NLGN1: variants seen among roughly 807,000 people sequenced by gnomAD.
NLGN1 encodes the protein neuroligin-1.
NLGN1 carries 12 observed loss-of-function variants against 65.5 expected under a neutral mutation model. The observed-to-expected ratio is 0.18, with a 90% CI of 0.12 to 0.30. The LOEUF is 0.30. NLGN1 is among the 10% of genes least tolerant of loss of function. The probability of loss-of-function intolerance (pLI) is 1.00; values close to 1 mark genes in which losing one functional copy is unlikely to be tolerated. For missense variants in NLGN1, 750 were observed against 1,007.1 expected, an observed-to-expected ratio of 0.74 and a Z score of 3.46; for synonymous variants, 350 against 359.5, an observed-to-expected ratio of 0.97 and a Z score of 0.30.
intron 3 of NLGN1, among the ~76,000 whole-genome samples, chr3:173,698,477 C>T (rs991845561): frequency 6.6e-6 from 1 of 152,084 alleles, no homozygotes; most frequent in Non-Finnish European, 1.5e-5. Flanking sequence ...GTGGAACAAC[C>T]GTATTCCCTT....
At chr3:173,866,215 G>A (rs1351168040) in intron 4 of NLGN1, among the ~76,000 whole-genome samples, 5 of 152,156 alleles carry the variant, frequency 3.3e-5, no homozygotes, top group Admixed American at 1.3e-4. Context: ...CTGATGTTAG[G>A]AGCAGGCATT....
chr3:174,025,044 A>G (rs997583235), intron 4 of NLGN1, among the ~76,000 whole-genome samples: 1 of 152,186 alleles, frequency 6.6e-6, no homozygotes, highest in Non-Finnish European at 1.5e-5. Context: ...AATAACAATA[A>G]CTGTCGTTTA....
At position 173,888,623 on chromosome 3, in the gene NLGN1, A is replaced by G. The variant is rs556448000; in HGVS notation, c.646+80791A>G. 4.0e-4 allele frequency among the ~76,000 whole-genome samples: 61 copies of G among 152,168 alleles called. 1 individual carries two copies. In the South Asian group the frequency reaches 0.012, roughly 29 times the overall value. On this transcript the variant is annotated intron_variant, in intron 4 of 6. Transcript: ENST00000457714. The stretch of plus-strand genomic sequence containing the variant: ...TTTTTTGTGTTATGTTCATATTAAT[A>G]CATGCTAATTTTTTGAATATATAAT...
chr3:173,578,811 G>A lies in NLGN1; in HGVS notation c.-320-25468G>A, dbSNP rs1437347434. On this transcript the variant is annotated intron_variant, in intron 2 of 6. Transcript: ENST00000457714. ...GCTCTGAGGTTATTAGAGGGTCAGC[G>A]TAAATACTGCCTCACAAATGTACTT... 3.9e-5 allele frequency among the ~76,000 whole-genome samples: 6 copies of A among 152,122 alleles called. No homozygotes were observed. The South Asian group carries it at 1.2e-3, about 32-fold the overall frequency.
chr3:173,782,348 A>G (rs1243546153), intron 3 of NLGN1, among the ~76,000 whole-genome samples: 1 of 152,204 alleles, frequency 6.6e-6, no homozygotes, highest in East Asian at 1.9e-4. Flanking sequence ...GGCGCGGGTA[A>G]TGTAAATATA....
chr3:174,212,273 G>T (rs1040486869), intron 4 of NLGN1, among the ~76,000 whole-genome samples: 1 of 152,172 alleles, frequency 6.6e-6, no homozygotes, highest in African/African-American at 2.4e-5. Context: ...TGAGTGCGGG[G>T]CCCTCCAAGC....
chr3:173,916,554 G>A (rs1391776299), intron 4 of NLGN1, among the ~76,000 whole-genome samples: 5 of 152,034 alleles, frequency 3.3e-5, no homozygotes, highest in Admixed American at 3.3e-4. Flanking sequence ...CTACATGAAA[G>A]CCATTAGATA....
chr3:174,060,352 A>G (rs1737123304), intron 4 of NLGN1, among the ~76,000 whole-genome samples: 5 of 152,082 alleles, frequency 3.3e-5, no homozygotes, highest in Admixed American at 3.3e-4. Flanking sequence ...GAATAGGGAA[A>G]GAGGAAGAAG....
intron 2 of NLGN1, among the ~76,000 whole-genome samples, chr3:173,523,685 A>ATGTGATGC (rs1225417130): frequency 6.6e-6 from 1 of 151,548 alleles, no homozygotes; most frequent in Non-Finnish European, 1.5e-5. Flanking sequence ...AAGTCAGGTA[A>ATGTGATGC]TGTGATGCCT....
chr3:173,435,808 C>G (rs754769679), intron 2 of NLGN1, among the ~76,000 whole-genome samples: 17 of 152,110 alleles, frequency 1.1e-4, no homozygotes, highest in Non-Finnish European at 2.4e-4. Context: ...GCACTCCATC[C>G]TGGGCAACAG....
intron 4 of NLGN1, among the ~76,000 whole-genome samples, chr3:174,216,454 A>T (rs1737619750): frequency 6.6e-6 from 1 of 152,122 alleles, no homozygotes; most frequent in South Asian, 2.1e-4. Flanking sequence ...ATGTACCATC[A>T]ACTATGCAAG....
intron 3 of NLGN1, among the ~76,000 whole-genome samples, chr3:173,681,004 A>G (rs1334328599): frequency 6.6e-6 from 1 of 152,162 alleles, no homozygotes; most frequent in East Asian, 1.9e-4. Context: ...CATTTGCTTC[A>G]TGTTAAAACT....
chr3:174,166,465 T>C (rs1335532489), intron 4 of NLGN1, among the ~76,000 whole-genome samples: 2 of 152,080 alleles, frequency 1.3e-5, no homozygotes, highest in African/African-American at 4.8e-5. Context: ...ATTAAGTTGT[T>C]TAATTTCCAT....
At chr3:173,605,038 A>C in exon 3 of NLGN1, 1 of 1,613,386 alleles carries the variant, frequency 6.2e-7, no homozygotes, top group Non-Finnish European at 8.5e-7. Context: ...TCATATGTGC[A>C]AGACCAGAGC....
chr3:174,253,145 A>G (rs969389413), intron 4 of NLGN1, among the ~76,000 whole-genome samples: 1 of 152,046 alleles, frequency 6.6e-6, no homozygotes, highest in African/African-American at 2.4e-5. Context: ...TTTTAAAATT[A>G]TTTCTTTTTT....
At chr3:174,184,856 G>A (rs891628799) in intron 4 of NLGN1, among the ~76,000 whole-genome samples, 1 of 152,116 alleles carries the variant, frequency 6.6e-6, no homozygotes, top group African/African-American at 2.4e-5. Flanking sequence ...TCATGAGTTG[G>A]GGATGGAAAG....
chr3:173,990,229 T>C lies in NLGN1; in HGVS notation c.646+182397T>C, dbSNP rs1022665295. Reference sequence around the variant, plus strand: ...ATCTTCATGTAAAACCAAAGGAGAATTGGTTTGCAAGTACTTAGGGTGCTA... The same window carrying C: ...ATCTTCATGTAAAACCAAAGGAGAACTGGTTTGCAAGTACTTAGGGTGCTA... On this transcript the variant is annotated intron_variant, in intron 4 of 6. Coordinates refer to ENST00000457714, the Ensembl canonical transcript of NLGN1. 2.0e-5 allele frequency among the ~76,000 whole-genome samples: 3 copies of C among 152,154 alleles called. No individual in the cohort carries two copies. In the East Asian group the frequency reaches 5.8e-4, roughly 29 times the overall value.
At chr3:173,507,970 A>G (rs1199395345) in intron 2 of NLGN1, among the ~76,000 whole-genome samples, 1 of 152,130 alleles carries the variant, frequency 6.6e-6, no homozygotes, top group African/African-American at 2.4e-5. Flanking sequence ...ACCTCATACT[A>G]CCTCATTAAT....
At chr3:173,469,694 C>T (rs933746077) in intron 2 of NLGN1, among the ~76,000 whole-genome samples, 1 of 151,670 alleles carries the variant, frequency 6.6e-6, no homozygotes. Context: ...CTGTGTAGTT[C>T]CAAAACACTT....
Sources: allele counts gnomAD v4.1 joint callset (sites outside exome capture counted in the v4.1 genomes callset), GRCh38; gene constraint gnomAD v4.1.1; transcripts MANE v1.5; gene names NCBI Gene and HGNC (gene_info 2026-07-23, HGNC 2026-07-21).